Variants in DNM3 observed in about 807,000 individuals in gnomAD.
DNM3 encodes the protein dynamin 3, also known as dynamin-3.
A neutral mutation model predicts 101.6 loss-of-function variants in DNM3; 47 were observed. The ratio of observed to expected loss-of-function variants is 0.46; its 90% CI spans 0.37 to 0.59. DNM3 has a LOEUF of 0.59. Ranked by LOEUF, DNM3 falls within the 20% of genes least tolerant of loss-of-function variation. The probability of loss-of-function intolerance (pLI) is 0.00; values close to 1 mark genes in which losing one functional copy is unlikely to be tolerated. For missense variants in DNM3, 849 were observed against 1,085.7 expected (o/e 0.78, Z 3.06); for synonymous variants, 385 against 387.9 (o/e 0.99, Z 0.09).
chr1:171,986,663 CT>C (rs1230790839), intron 2 of DNM3, among the ~76,000 whole-genome samples: 3 of 148,872 alleles, frequency 2.0e-5, no homozygotes, highest in Admixed American at 6.7e-5. Context: ...TGGGGTCTCA[CT>C]TTCTTGCCCA....
chr1:172,044,550 G>A, intron 9 of DNM3, 98 bp downstream of exon 9: 3 of 1,004,646 alleles, frequency 3.0e-6, no homozygotes, highest in Non-Finnish European at 4.5e-6. Flanking sequence ...TCATTGAATA[G>A]GGTAGAATAC....
chr1:171,951,820 C>T (rs531631849), intron 2 of DNM3, among the ~76,000 whole-genome samples: 1 of 152,232 alleles, frequency 6.6e-6, no homozygotes, highest in East Asian at 1.9e-4. Context: ...TCAAGAAGTC[C>T]TGAGAAAGTG....
At chr1:172,200,655 C>A (rs1189527336) in intron 14 of DNM3, among the ~76,000 whole-genome samples, 1 of 152,078 alleles carries the variant, frequency 6.6e-6, no homozygotes, top group Non-Finnish European at 1.5e-5. Flanking sequence ...GAGAACCATT[C>A]TTCAAGTTCT....
rs202079243 is a variant in DNM3, at chr1:171,926,666, A to AT, written c.235+4853dup. ...TGAGAATTGCAAGTCCTTCTACTTTATTTTTTTTCAGGATTGTTTTGGCTA... is the reference window on the plus strand; with the variant it reads ...TGAGAATTGCAAGTCCTTCTACTTTATTTTTTTTTCAGGATTGTTTTGGCTA... On this transcript the variant is annotated intron_variant, in intron 2 of 20. Transcript: ENST00000627582. Among the ~76,000 whole-genome samples, 461 of 151,694 alleles carry AT rather than the reference A, an allele frequency of 3.0e-3. 3 individuals carry two copies. The highest frequency in any genetic ancestry group is 0.011 in the African/African-American group (436 of 41,380).
intron 4 of DNM3, among the ~76,000 whole-genome samples, chr1:171,994,110 A>G (rs747821030): frequency 6.6e-6 from 1 of 152,004 alleles, no homozygotes; most frequent in Non-Finnish European, 1.5e-5. Flanking sequence ...TTGTTCAGGG[A>G]CAGTTTCTAT....
intron 1 of DNM3, among the ~76,000 whole-genome samples, chr1:171,906,079 A>G (rs1258679861): frequency 2.6e-5 from 4 of 151,460 alleles, no homozygotes; most frequent in Non-Finnish European, 5.9e-5. Flanking sequence ...AATGAATGAA[A>G]TGGCTTGTCA....
intron 1 of DNM3, among the ~76,000 whole-genome samples, chr1:171,912,374 G>A (rs1327137373): frequency 6.6e-6 from 1 of 152,008 alleles, no homozygotes; most frequent in African/African-American, 2.4e-5. Flanking sequence ...TTCATTAGGG[G>A]AACCATAATG....
chr1:172,007,422 C>T (rs951685971), intron 4 of DNM3, among the ~76,000 whole-genome samples: 11 of 151,962 alleles, frequency 7.2e-5, no homozygotes, highest in Admixed American at 5.9e-4. Context: ...CCTTATAGGC[C>T]GTTTGTATAT....
chr1:172,055,396 G>C (rs1482400479), intron 10 of DNM3, among the ~76,000 whole-genome samples: 1 of 151,812 alleles, frequency 6.6e-6, no homozygotes, highest in Non-Finnish European at 1.5e-5. Flanking sequence ...TCTATTTTCA[G>C]TTGCATAGCC....
At position 171,943,347 on chromosome 1, in the gene DNM3, A is replaced by C. The variant is rs569498451; in HGVS notation, c.235+21526A>C. ...TTAACCTGAGAAACTAGTTCAGGAC[A>C]TGATGGGGAGGGGTAGGGTAGTCAT... On this transcript the variant is annotated intron_variant, in intron 2 of 20. Transcript: ENST00000627582. Among the ~76,000 whole-genome samples the C allele has an allele frequency of 9.9e-4, 151 of 152,250 alleles. No individual in the cohort carries two copies. In the Middle Eastern group the frequency reaches 0.017, roughly 17 times the overall value.
intron 13 of DNM3, among the ~76,000 whole-genome samples, chr1:172,112,005 TTC>T (rs1374513738): frequency 6.6e-6 from 1 of 152,228 alleles, no homozygotes; most frequent in East Asian, 1.9e-4. Context: ...CTACCTGTCA[TTC>T]TCTGGAATAT....
At chr1:172,055,920 A>G (rs577881721) in intron 10 of DNM3, among the ~76,000 whole-genome samples, 3 of 152,252 alleles carry the variant, frequency 2.0e-5, no homozygotes, top group East Asian at 3.9e-4. Context: ...CTGCATTTCC[A>G]TCTGAGGTAC....
At chr1:172,006,980 G>T (rs1027265933) in intron 4 of DNM3, among the ~76,000 whole-genome samples, 20 of 152,148 alleles carry the variant, frequency 1.3e-4, no homozygotes, top group Admixed American at 6.6e-4. Context: ...GCTGCTGCAT[G>T]TTTTCAGTAG....
At chr1:172,285,028 T>C (rs1573293925) in intron 15 of DNM3, among the ~76,000 whole-genome samples, 3 of 152,122 alleles carry the variant, frequency 2.0e-5, no homozygotes, top group Non-Finnish European at 4.4e-5. Context: ...GTCAGGGGAA[T>C]AGAGGCAACA....
chr1:172,042,663 G>A (rs1048378597), intron 8 of DNM3, among the ~76,000 whole-genome samples: 4 of 152,150 alleles, frequency 2.6e-5, no homozygotes, highest in African/African-American at 9.7e-5. Flanking sequence ...AAAGATCTGG[G>A]GGAAAGGGGT....
chr1:172,315,856 G>A (rs1024644998), intron 16 of DNM3, among the ~76,000 whole-genome samples: 1 of 152,102 alleles, frequency 6.6e-6, no homozygotes, highest in African/African-American at 2.4e-5. Context: ...TAGCAAGGCA[G>A]GCCAACGTTC....
At chr1:171,959,192 T>G (rs528366661) in intron 2 of DNM3, among the ~76,000 whole-genome samples, 38 of 152,254 alleles carry the variant, frequency 2.5e-4, no homozygotes, top group Non-Finnish European at 4.4e-4. Flanking sequence ...TATGGGTGAA[T>G]GGAATGGTAT....
chr1:172,216,767 A>G (rs1208093146), intron 14 of DNM3, among the ~76,000 whole-genome samples: 1 of 152,086 alleles, frequency 6.6e-6, no homozygotes, highest in African/African-American at 2.4e-5. Context: ...ACACACACAC[A>G]CACACACACA....
chr1:172,089,387 G>A (rs532968574), intron 12 of DNM3, among the ~76,000 whole-genome samples: 26 of 152,248 alleles, frequency 1.7e-4, no homozygotes, highest in African/African-American at 5.8e-4. Flanking sequence ...AATTGGTTAA[G>A]TAACTATATC....
Sources: allele counts gnomAD v4.1 joint callset (sites outside exome capture counted in the v4.1 genomes callset), GRCh38; gene constraint gnomAD v4.1.1; transcripts MANE v1.5; gene names NCBI Gene and HGNC (gene_info 2026-07-23, HGNC 2026-07-21).